Variants in MGAT4C observed in about 807,000 individuals in gnomAD.
MGAT4C encodes MGAT4 family member C.
In MGAT4C, 19 loss-of-function variants were observed where a neutral mutation model predicts 40.1. The observed-to-expected ratio is 0.47, with a 90% confidence interval of 0.33 to 0.70. MGAT4C has a LOEUF of 0.70. MGAT4C is among the 30% of genes least tolerant of loss of function. MGAT4C has a pLI of 0.02. For missense variants in MGAT4C, 491 were observed against 563.2 expected, an observed-to-expected ratio of 0.87 and a Z score of 1.30; for synonymous variants, 181 against 187.1, an observed-to-expected ratio of 0.97 and a Z score of 0.27.
At chr12:86,570,343 C>T (rs771668510) in intron 2 of MGAT4C, among the ~76,000 whole-genome samples, 7 of 151,904 alleles carry the variant, frequency 4.6e-5, no homozygotes, top group East Asian at 1.9e-4. Flanking sequence ...AAAAATTTTA[C>T]GTATTTTAGA....
At chr12:86,705,548 T>A (rs1056708369) in intron 2 of MGAT4C, among the ~76,000 whole-genome samples, 1 of 151,992 alleles carries the variant, frequency 6.6e-6, no homozygotes, top group African/African-American at 2.4e-5. Flanking sequence ...GAAAATATTA[T>A]GAAAAGCAAA....
chr12:86,716,762 C>A (rs891994824), intron 2 of MGAT4C, among the ~76,000 whole-genome samples: 2 of 151,982 alleles, frequency 1.3e-5, no homozygotes, highest in Non-Finnish European at 2.9e-5. Flanking sequence ...TAGGGAGATG[C>A]CAGTTACCAA....
rs1375127567 is a variant in MGAT4C at position 86,452,197 on chromosome 12, CT to C, written c.-228-16933del. On this transcript the variant is annotated intron_variant, in intron 2 of 7. Transcript: ENST00000548651. ...TAACTAGGGCCATTCTTTTTTTTTT[CT>C]TTTTTTTTTATATACTTTTTTATTA... Among the ~76,000 whole-genome samples the C allele has an allele frequency of 7.8e-4, 113 of 144,570 alleles. No individual in the cohort carries two copies. In the East Asian group the frequency reaches 8.7e-3, roughly 11 times the overall value. The allele number at this position is 144,570 out of a possible 152,430, so 94.8% of individuals were successfully genotyped here.
At chr12:86,394,508 A>G in intron 3 of MGAT4C, among the ~76,000 whole-genome samples, 1 of 143,084 alleles carries the variant, frequency 7.0e-6, no homozygotes, top group East Asian at 2.0e-4. Context: ...TATATTTTTT[A>G]AATATTTATA....
chr12:86,792,517 C>T (rs1952042080), intron 1 of MGAT4C, among the ~76,000 whole-genome samples: 2 of 152,098 alleles, frequency 1.3e-5, no homozygotes, highest in South Asian at 4.2e-4. Context: ...ACATATTACC[C>T]CAAAAATATC....
At chr12:86,653,901 TTTC>T (rs1963768851) in intron 2 of MGAT4C, among the ~76,000 whole-genome samples, 1 of 151,984 alleles carries the variant, frequency 6.6e-6, no homozygotes, top group Non-Finnish European at 1.5e-5. Flanking sequence ...TTACAAAGTT[TTTC>T]TTATTAGAAA....
intron 2 of MGAT4C, among the ~76,000 whole-genome samples, chr12:86,502,383 C>A (rs1371834406): frequency 6.6e-6 from 1 of 151,800 alleles, no homozygotes; most frequent in Non-Finnish European, 1.5e-5. Context: ...CCCAGGGGAT[C>A]TTTAGGGCAC....
At chr12:86,410,688 G>A (rs765803580) in intron 3 of MGAT4C, among the ~76,000 whole-genome samples, 20 of 152,142 alleles carry the variant, frequency 1.3e-4, no homozygotes, top group Non-Finnish European at 2.4e-4. Flanking sequence ...AGTAAAGACA[G>A]GCATAAGAAA....
intron 3 of MGAT4C, among the ~76,000 whole-genome samples, chr12:86,392,100 T>C (rs1189558816): frequency 6.6e-6 from 1 of 152,176 alleles, no homozygotes; most frequent in Admixed American, 6.5e-5. Flanking sequence ...TGGGTAAACT[T>C]TACAATGTAA....
At chr12:86,362,482 A>T (rs946784281) in intron 3 of MGAT4C, among the ~76,000 whole-genome samples, 2 of 83,724 alleles carry the variant, frequency 2.4e-5, no homozygotes, top group African/African-American at 6.7e-5. Flanking sequence ...AACTTAAGGT[A>T]TAATAAAAAA....
At chr12:86,332,433 A>G (rs1288593656) in intron 4 of MGAT4C, among the ~76,000 whole-genome samples, 1 of 151,978 alleles carries the variant, frequency 6.6e-6, no homozygotes, top group Non-Finnish European at 1.5e-5. Context: ...AAAAAAAGAA[A>G]AAAAAAGCCC....
intron 1 of MGAT4C, among the ~76,000 whole-genome samples, chr12:86,187,518 A>G (rs1888892647): frequency 6.6e-6 from 1 of 151,950 alleles, no homozygotes; most frequent in African/African-American, 2.4e-5. Flanking sequence ...CTATTGGTAT[A>G]ATAGTTTTTA....
intron 3 of MGAT4C, among the ~76,000 whole-genome samples, chr12:86,381,546 C>A (rs1043804158): frequency 6.6e-6 from 1 of 152,162 alleles, no homozygotes; most frequent in Admixed American, 6.5e-5. Flanking sequence ...TGCCTGCCAA[C>A]AGTGAGGGCA....
chr12:86,367,657 G>A (rs1955625923), intron 3 of MGAT4C, among the ~76,000 whole-genome samples: 1 of 152,102 alleles, frequency 6.6e-6, no homozygotes, highest in African/African-American at 2.4e-5. Flanking sequence ...AAATTAGCTG[G>A]GCGTGGTGGC....
chr12:86,068,449 A>T (rs1175239937), intron 1 of MGAT4C: 1 of 151,646 alleles, frequency 6.6e-6, no homozygotes, highest in Non-Finnish European at 1.5e-5. Flanking sequence ...GTATTTTCTG[A>T]TTCCAAGGAT....
intron 2 of MGAT4C, chr12:86,013,707 C>T: frequency 1.0e-6 from 1 of 983,578 alleles, no homozygotes; most frequent in Non-Finnish European, 1.2e-6. Flanking sequence ...GTTTACAAAC[C>T]ACCAACAAAA....
At chr12:86,141,388 A>G (rs945415599) in intron 1 of MGAT4C, among the ~76,000 whole-genome samples, 6 of 152,206 alleles carry the variant, frequency 3.9e-5, no homozygotes, top group African/African-American at 1.4e-4. Flanking sequence ...TTTTTTCAAA[A>G]TAACTTAGAT....
intron 3 of MGAT4C, among the ~76,000 whole-genome samples, chr12:86,396,929 A>G: frequency 1.6e-4 from 1 of 6,110 alleles, no homozygotes; most frequent in East Asian, 0.05. Context: ...TTTTCTTAAT[A>G]CAAATGTTCC....
At chr12:86,438,424 G>A (rs879429059) in intron 2 of MGAT4C, among the ~76,000 whole-genome samples, 7 of 152,066 alleles carry the variant, frequency 4.6e-5, no homozygotes, top group Middle Eastern at 3.4e-3. Context: ...AACAGCAAGG[G>A]TTGATGCAGA....
Sources: allele counts gnomAD v4.1 joint callset (sites outside exome capture counted in the v4.1 genomes callset), GRCh38; gene constraint gnomAD v4.1.1; transcripts MANE v1.5; gene names NCBI Gene and HGNC (gene_info 2026-07-23, HGNC 2026-07-21).